The following PDGFD variants were observed in gnomAD, a reference collection of about 807,000 sequenced individuals.
PDGFD encodes platelet derived growth factor D.
A neutral mutation model predicts 44.7 loss-of-function variants in PDGFD; 30 were observed. That is an observed-to-expected ratio of 0.67 (90% confidence interval 0.50 to 0.91). PDGFD has a LOEUF of 0.91. Among genes scored for constraint, PDGFD ranks in the 40% least tolerant of loss-of-function variants. PDGFD has a pLI of 0.00. For missense variants in PDGFD, 445 were observed against 457.8 expected (o/e 0.97, Z 0.25); for synonymous variants, 173 against 168.4 (o/e 1.03, Z -0.21).
chr11:104,117,975 A>G (rs565871178), intron 1 of PDGFD, among the ~76,000 whole-genome samples: 3 of 152,002 alleles, frequency 2.0e-5, no homozygotes, highest in Non-Finnish European at 2.9e-5. Flanking sequence ...CCACTTGTTC[A>G]TTGCTGGTTT....
chr11:104,101,006 G>A (rs1479370913), intron 1 of PDGFD, among the ~76,000 whole-genome samples: 2 of 152,106 alleles, frequency 1.3e-5, no homozygotes, highest in Admixed American at 1.3e-4. Flanking sequence ...TACTGAATGG[G>A]CAAAAACTGG....
At chr11:104,103,609 A>G (rs1407336674) in intron 1 of PDGFD, among the ~76,000 whole-genome samples, 1 of 151,554 alleles carries the variant, frequency 6.6e-6, no homozygotes, top group African/African-American at 2.4e-5. Context: ...TCAAGGATGG[A>G]TGTCATACAG....
intron 6 of PDGFD, among the ~76,000 whole-genome samples, chr11:103,912,768 T>C (rs1858050894): frequency 6.8e-6 from 1 of 147,790 alleles, no homozygotes; most frequent in Non-Finnish European, 1.5e-5. Flanking sequence ...AGGCTCAAAA[T>C]AAAGGGATGG....
intron 1 of PDGFD, among the ~76,000 whole-genome samples, chr11:104,056,896 G>C (rs760113531): frequency 1.8e-4 from 28 of 152,230 alleles, no homozygotes; most frequent in Admixed American, 1.0e-3. Context: ...TTGGGAGGCC[G>C]AGGCAGGAGT....
chr11:104,016,610 A>G (rs1451088001), intron 1 of PDGFD, among the ~76,000 whole-genome samples: 1 of 152,242 alleles, frequency 6.6e-6, no homozygotes, highest in Non-Finnish European at 1.5e-5. Flanking sequence ...GGAGTGGCAA[A>G]CAATGAGCAG....
At chr11:103,951,302 G>A (rs919364513) in intron 3 of PDGFD, among the ~76,000 whole-genome samples, 2 of 152,114 alleles carry the variant, frequency 1.3e-5, no homozygotes, top group East Asian at 1.9e-4. Flanking sequence ...CTTGGCAATA[G>A]GGAGGATTCA....
chr11:104,072,282 T>G (rs1860890721), intron 1 of PDGFD, among the ~76,000 whole-genome samples: 1 of 151,902 alleles, frequency 6.6e-6, no homozygotes, highest in Non-Finnish European at 1.5e-5. Context: ...CAGTAGTGTA[T>G]TACTTTTTCC....
At position 104,037,073 on chromosome 11, in the gene PDGFD, C is replaced by T. The variant is rs1301970850; in HGVS notation, c.125-36818G>A. On this transcript the variant is annotated intron_variant, in intron 1 of 6. Transcript: ENST00000393158. Reference sequence around the variant, plus strand: ...CAGAAGGACAATGTGGGACCTCGGGCTCCAGGGCGTGCCCCGAACCAGCCT... The same window carrying T: ...CAGAAGGACAATGTGGGACCTCGGGTTCCAGGGCGTGCCCCGAACCAGCCT... 9 of 1,614,122 alleles carry T rather than the reference C, an allele frequency of 5.6e-6. No individual in the cohort carries two copies. The highest frequency in any genetic ancestry group is 2.2e-5 in the East Asian group (1 of 44,888).
intron 1 of PDGFD, among the ~76,000 whole-genome samples, chr11:104,027,826 T>C (rs897525813): frequency 6.6e-5 from 10 of 152,180 alleles, no homozygotes; most frequent in African/African-American, 1.9e-4. Context: ...AAGGGCAGAT[T>C]GAATTGATAT....
rs774649562 is a variant in PDGFD, at chr11:104,038,000, G to GA, written c.125-37746dup. 8.1e-5 allele frequency: 131 copies of GA among 1,612,458 alleles called. 1 individual carries two copies. The Admixed American group carries it at 2.2e-3, about 27-fold the overall frequency. Reference sequence around the variant, plus strand: ...ACACATTCAGTCATGGATTCAGGACGAAAAGAGCATTAAAGCACGTTATAA... The same window carrying GA: ...ACACATTCAGTCATGGATTCAGGACGAAAAAGAGCATTAAAGCACGTTATAA... On this transcript the variant is annotated intron_variant, in intron 1 of 6. Coordinates refer to ENST00000393158, the MANE Select transcript of PDGFD (RefSeq NM_025208.5).
At chr11:103,993,954 CTGG>C (rs1466749623) in intron 3 of PDGFD, among the ~76,000 whole-genome samples, 3 of 151,958 alleles carry the variant, frequency 2.0e-5, no homozygotes, top group Non-Finnish European at 4.4e-5. Flanking sequence ...ATTGAATATA[CTGG>C]TGGAGGTAAA....
At chr11:104,107,365 T>C (rs529813015) in intron 1 of PDGFD, among the ~76,000 whole-genome samples, 2 of 152,220 alleles carry the variant, frequency 1.3e-5, no homozygotes, top group African/African-American at 4.8e-5. Context: ...GACCTCATCC[T>C]GTAACCACAA....
intron 1 of PDGFD, among the ~76,000 whole-genome samples, chr11:104,047,704 G>T (rs1860465745): frequency 8.1e-6 from 1 of 122,860 alleles, no homozygotes; most frequent in African/African-American, 2.8e-5. Flanking sequence ...TTTAGGTTGT[G>T]GCAATTGTGG....
At chr11:104,008,189 T>C (rs1335360266) in intron 1 of PDGFD, among the ~76,000 whole-genome samples, 1 of 152,158 alleles carries the variant, frequency 6.6e-6, no homozygotes, top group East Asian at 1.9e-4. Flanking sequence ...CTGAATAATG[T>C]GGCAGATTCC....
At chr11:103,960,793 T>G (rs1858923313) in intron 3 of PDGFD, among the ~76,000 whole-genome samples, 3 of 151,998 alleles carry the variant, frequency 2.0e-5, no homozygotes, top group African/African-American at 7.3e-5. Context: ...AAGACCGGAG[T>G]GCTGACATGG....
At chr11:103,917,869 C>T (rs1014014613) in intron 6 of PDGFD, among the ~76,000 whole-genome samples, 1 of 152,162 alleles carries the variant, frequency 6.6e-6, no homozygotes, top group Non-Finnish European at 1.5e-5. Flanking sequence ...TGATGCTTTG[C>T]TTGAACTTTT....
chr11:103,981,621 T>C (rs114286997), intron 3 of PDGFD, among the ~76,000 whole-genome samples: 2,527 of 151,910 alleles, frequency 0.017, 126 homozygotes, highest in African/African-American at 0.055. Flanking sequence ...TCATAGATAA[T>C]ACACAGATTT....
chr11:104,126,192 A>C (rs1308562869), intron 1 of PDGFD, among the ~76,000 whole-genome samples: 4 of 152,166 alleles, frequency 2.6e-5, no homozygotes, highest in Non-Finnish European at 4.4e-5. Context: ...TGGAATAAAA[A>C]TCTGGCCATG....
intron 1 of PDGFD, among the ~76,000 whole-genome samples, chr11:104,142,788 A>G (rs932377561): frequency 4.6e-5 from 7 of 152,212 alleles, no homozygotes; most frequent in Admixed American, 3.9e-4. Context: ...TCATTCTGAT[A>G]TGGCCAAAGC....
Sources: allele counts gnomAD v4.1 joint callset (sites outside exome capture counted in the v4.1 genomes callset), GRCh38; gene constraint gnomAD v4.1.1; transcripts MANE v1.5; gene names NCBI Gene and HGNC (gene_info 2026-07-23, HGNC 2026-07-21).